STX5: variants seen among roughly 807,000 people sequenced by gnomAD.
STX5 encodes syntaxin-5.
In STX5, 15 loss-of-function variants were observed where a neutral mutation model predicts 42.9. The ratio of observed to expected loss-of-function variants is 0.35; its 90% CI spans 0.23 to 0.54. The LOEUF is 0.54. Ranked by LOEUF, STX5 falls within the 20% of genes least tolerant of loss-of-function variation. The probability of loss-of-function intolerance (pLI) is 0.91; values close to 1 mark genes in which losing one functional copy is unlikely to be tolerated. For synonymous variants in STX5, 184 were observed against 173.2 expected (o/e 1.06, Z -0.49); for missense variants, 430 against 455.0 (o/e 0.95, Z 0.50).
chr11:62,831,192 G>A lies in STX5; in HGVS notation c.52C>T (p.Leu18=), dbSNP rs1226463263. The stretch of plus-strand genomic sequence containing the variant: ...AGGACCTGTGTCTTTGAGAGACCCA[G>A]GTAGACACCCTGATCCGTGTTCTTA... ...GSKNTDQGVY[L]GLSKTQVLSP... The change falls in exon 2 of 11, where the codon CTG becomes TTG. Residue 18 remains leucine, a synonymous_variant. Coordinates refer to ENST00000294179, the MANE Select transcript of STX5 (RefSeq NM_003164.5). 6 of 1,566,564 alleles carry A rather than the reference G, an allele frequency of 3.8e-6. No homozygotes were observed. The highest frequency in any genetic ancestry group is 4.3e-6 in the Non-Finnish European group (5 of 1,154,730).
At chr11:62,830,498 T>C (rs761083022) in intron 2 of STX5, 12 of 455,274 alleles carry the variant, frequency 2.6e-5, no homozygotes, top group South Asian at 1.6e-4. Context: ...AAGTGAGCTA[T>C]CATCACACCA....
At chr11:62,807,770 A>G in intron 10 of STX5, 142 bp from the exon 11 acceptor site, 2 of 1,425,768 alleles carry the variant, frequency 1.4e-6, no homozygotes, top group African/African-American at 1.4e-5. Context: ...AGGCTTTGGA[A>G]GGGTACTATA....
At chr11:62,825,606 TG>T (rs2084787430) in intron 5 of STX5, 67 bp from the exon 6 acceptor site, 2 of 1,372,410 alleles carry the variant, frequency 1.5e-6, no homozygotes, top group Non-Finnish European at 2.1e-6. Flanking sequence ...TCTCTCACGA[TG>T]GCCATCTCTG....
chr11:62,824,061 T>A lies in STX5; in HGVS notation c.908+105A>T, dbSNP rs534429860. The A allele has an allele frequency of 8.3e-5, 130 of 1,557,672 alleles. No homozygotes were observed. In the South Asian group the frequency reaches 1.5e-3, roughly 18 times the overall value. ...ACTGGGTCCCATGGGTGGGCAGAAT[T>A]CACTCTATCTTCCAAAAGGCATCAA... is the stretch of plus-strand genomic sequence containing the variant. On this transcript the variant is annotated intron_variant, in intron 10 of 10. Coordinates refer to ENST00000294179, the MANE Select transcript of STX5 (RefSeq NM_003164.5).
intron 5 of STX5, among the ~76,000 whole-genome samples, chr11:62,825,974 C>A (rs547681839): frequency 6.6e-6 from 1 of 152,134 alleles, no homozygotes; most frequent in Admixed American, 6.5e-5. Context: ...TTCATACACA[C>A]AATTCCTCAA....
intron 2 of STX5, 110 bp from the exon 3 acceptor site, chr11:62,827,741 C>A: frequency 8.9e-7 from 1 of 1,118,748 alleles, no homozygotes; most frequent in Non-Finnish European, 1.3e-6. Flanking sequence ...TGGCATCCAT[C>A]AGATGATCTA....
intron 10 of STX5, among the ~76,000 whole-genome samples, chr11:62,818,322 G>A (rs1335280305): frequency 2.6e-5 from 4 of 151,188 alleles, no homozygotes. Flanking sequence ...TTTGGGAGGC[G>A]GAAGTGGGAG....
At chr11:62,828,167 T>A (rs1310104437) in intron 2 of STX5, among the ~76,000 whole-genome samples, 5 of 151,890 alleles carry the variant, frequency 3.3e-5, no homozygotes, top group Admixed American at 6.6e-5. Flanking sequence ...CAGGTTGGAA[T>A]ATAGTAGCAT....
chr11:62,818,511 G>A (rs898339106), intron 10 of STX5, among the ~76,000 whole-genome samples: 4 of 146,870 alleles, frequency 2.7e-5, no homozygotes, highest in East Asian at 2.0e-4. Context: ...GCAATGAGCC[G>A]AGATCGCACC....
In STX5 at chr11:62,824,537, C is replaced by T; in HGVS notation, c.708G>A (p.Glu236=). The change falls in exon 9 of 11, where the codon GAG becomes GAA. Residue 236 remains glutamate, a synonymous_variant. Coordinates refer to ENST00000294179, the MANE Select transcript of STX5 (RefSeq NM_003164.5). ...TGGCGACATCCTTGGAGGCATGGGA[C>T]TCTGCCCCCAGAACCACAGCACCAC... The part of the protein sequence containing the change: ...LGGGAVVLGA[E]SHASKDVAID... 1 of 1,614,150 alleles carries T rather than the reference C, an allele frequency of 6.2e-7. No individual in the cohort carries two copies. Among genetic ancestry groups the T allele is most frequent in the Non-Finnish European group, 8.5e-7 (1 of 1,180,018 alleles).
At chr11:62,809,438 G>A (rs2134802774) in intron 10 of STX5, among the ~76,000 whole-genome samples, 1 of 151,992 alleles carries the variant, frequency 6.6e-6, no homozygotes, top group East Asian at 1.9e-4. Context: ...ACTTTGGGAG[G>A]CCGAGGTGGG....
intron 2 of STX5, chr11:62,830,223 A>ACTCCTGGC (rs2084841174): frequency 6.3e-6 from 1 of 158,036 alleles, no homozygotes; most frequent in Non-Finnish European, 1.4e-5. Flanking sequence ...CTGGTCTCTA[A>ACTCCTGGC]CTCCTGGCCT....
intron 9 of STX5, 85 bp downstream of exon 9, chr11:62,824,374 T>G: frequency 6.2e-7 from 1 of 1,611,820 alleles, no homozygotes; most frequent in Non-Finnish European, 8.5e-7. Flanking sequence ...CTTGCCATTC[T>G]GCCCATGGCA....
intron 10 of STX5, among the ~76,000 whole-genome samples, chr11:62,809,501 C>T (rs371575655): frequency 6.8e-6 from 1 of 146,378 alleles, no homozygotes; most frequent in African/African-American, 2.5e-5. Flanking sequence ...GGTGAAACCC[C>T]GTCTCTACTA....
chr11:62,830,064 CAA>C (rs764798047), intron 2 of STX5, among the ~76,000 whole-genome samples: 8,364 of 52,920 alleles, frequency 0.16, 276 homozygotes, highest in East Asian at 0.24. Flanking sequence ...AATTCCTTCT[CAA>C]AAAAAAAAAA....
intron 10 of STX5, among the ~76,000 whole-genome samples, chr11:62,821,693 A>T (rs2084742221): frequency 6.6e-6 from 1 of 150,616 alleles, no homozygotes; most frequent in Non-Finnish European, 1.5e-5. Flanking sequence ...TCCAGCCTGG[A>T]CAACAGTGAA....
rs1334684534 is a variant in STX5, at chr11:62,831,010, G to T, written c.225+9C>A. 27 of 1,548,914 alleles carry T rather than the reference G, an allele frequency of 1.7e-5. No individual in the cohort carries two copies. The highest frequency in any genetic ancestry group is 2.3e-4 in the Middle Eastern group (1 of 4,382). On this transcript the variant is annotated intron_variant, in intron 2 of 10. Coordinates refer to ENST00000294179, the MANE Select transcript of STX5 (RefSeq NM_003164.5). ...CTCACTCCTCGCCTTTTCCACTCCA[G>T]GTCCTTACCTGACGGGTCTGCAGCG...
intron 10 of STX5, among the ~76,000 whole-genome samples, chr11:62,823,535 G>A (rs761694492): frequency 5.9e-5 from 9 of 151,678 alleles, no homozygotes; most frequent in Non-Finnish European, 1.2e-4. Context: ...CTGAAATTTT[G>A]TTGGTCAATT....
intron 10 of STX5, among the ~76,000 whole-genome samples, chr11:62,823,543 AT>A (rs1020661135): frequency 4.6e-5 from 7 of 151,478 alleles, no homozygotes; most frequent in African/African-American, 1.5e-4. Context: ...TTGTTGGTCA[AT>A]TTTTTATTTT....
Sources: allele counts gnomAD v4.1 joint callset (sites outside exome capture counted in the v4.1 genomes callset), GRCh38; gene constraint gnomAD v4.1.1; transcripts MANE v1.5; gene names NCBI Gene and HGNC (gene_info 2026-07-23, HGNC 2026-07-21).